Variants in TBC1D5 observed in about 807,000 individuals in gnomAD.
TBC1D5 encodes the protein TBC1 domain family, member 5.
TBC1D5 carries 75 observed loss-of-function variants against 100.3 expected under a neutral mutation model. The observed-to-expected ratio is 0.75, with a 90% CI of 0.62 to 0.91. The LOEUF (loss-of-function observed/expected upper bound fraction) is 0.91. Among genes scored for constraint, TBC1D5 ranks in the 40% least tolerant of loss-of-function variants. The pLI, the probability that TBC1D5 is intolerant of heterozygous loss-of-function variation, is 0.00. For missense variants in TBC1D5, 910 were observed against 942.4 expected, an observed-to-expected ratio of 0.97 and a Z score of 0.45; for synonymous variants, 323 against 325.6, an observed-to-expected ratio of 0.99 and a Z score of 0.09.
intron 1 of TBC1D5, among the ~76,000 whole-genome samples, chr3:17,698,370 T>A (rs1472265885): frequency 6.6e-6 from 1 of 151,424 alleles, no homozygotes. Context: ...AACCCTTCCT[T>A]ACACCTTATA....
intron 1 of TBC1D5, among the ~76,000 whole-genome samples, chr3:17,657,562 G>C (rs2066212244): frequency 6.6e-6 from 1 of 151,844 alleles, no homozygotes; most frequent in Non-Finnish European, 1.5e-5. Context: ...GTCTCGATCT[G>C]CTGACCTCGT....
At chr3:17,694,828 T>C (rs1038909524) in intron 1 of TBC1D5, among the ~76,000 whole-genome samples, 5 of 151,818 alleles carry the variant, frequency 3.3e-5, no homozygotes, top group African/African-American at 1.2e-4. Flanking sequence ...AAGGAAAAAA[T>C]GTTAAAGGCA....
intron 13 of TBC1D5, among the ~76,000 whole-genome samples, chr3:17,340,358 CA>C (rs981704062): frequency 1.3e-5 from 2 of 152,180 alleles, no homozygotes; most frequent in African/African-American, 4.8e-5. Context: ...GGTCGGCCTT[CA>C]GACAATCAGG....
intron 3 of TBC1D5, among the ~76,000 whole-genome samples, chr3:17,457,203 T>C (rs766687788): frequency 2.6e-5 from 4 of 152,200 alleles, no homozygotes; most frequent in Non-Finnish European, 2.9e-5. Flanking sequence ...TTAAGTTCTC[T>C]GAATTTCTTG....
At chr3:17,495,950 T>C (rs1419186108) in intron 3 of TBC1D5, among the ~76,000 whole-genome samples, 1 of 152,204 alleles carries the variant, frequency 6.6e-6, no homozygotes, top group Non-Finnish European at 1.5e-5. Flanking sequence ...TCATTAAAAG[T>C]TCTCAATACT....
At chr3:17,572,956 A>G (rs2096636563) in intron 2 of TBC1D5, among the ~76,000 whole-genome samples, 1 of 152,116 alleles carries the variant, frequency 6.6e-6, no homozygotes, top group African/African-American at 2.4e-5. Flanking sequence ...TATCAATGCC[A>G]AACACAATGC....
At chr3:17,193,998 G>A (rs2596656) in intron 18 of TBC1D5, among the ~76,000 whole-genome samples, 60,597 of 151,858 alleles carry the variant, frequency 0.4, 12,754 homozygotes, top group Middle Eastern at 0.47. Context: ...CAATTTTTTC[G>A]ATCTTTAATA....
At chr3:17,224,754 A>G (rs1250055259) in intron 17 of TBC1D5, among the ~76,000 whole-genome samples, 1 of 152,238 alleles carries the variant, frequency 6.6e-6, no homozygotes, top group Non-Finnish European at 1.5e-5. Flanking sequence ...ACATCCAGAA[A>G]GAATTTGAAA....
chr3:17,349,214 C>G (rs1389180455), intron 13 of TBC1D5, among the ~76,000 whole-genome samples: 1 of 152,126 alleles, frequency 6.6e-6, no homozygotes, highest in African/African-American at 2.4e-5. Flanking sequence ...CAGTGGTTCA[C>G]AAACTTTACT....
chr3:17,160,115 T>G (rs1277813485), exon 22 of TBC1D5: 3 of 152,252 alleles, frequency 2.0e-5, no homozygotes, highest in African/African-American at 4.8e-5. Context: ...GATAGTAATA[T>G]TCTTATATCT....
chr3:17,626,014 T>A (rs2063022321), intron 1 of TBC1D5, among the ~76,000 whole-genome samples: 2 of 152,160 alleles, frequency 1.3e-5, no homozygotes, highest in Non-Finnish European at 2.9e-5. Context: ...TTCTTTCCAT[T>A]ATGTTGTCTA....
At chr3:17,562,097 T>C (rs964558526) in intron 2 of TBC1D5, 1 of 152,012 alleles carries the variant, frequency 6.6e-6, no homozygotes, top group African/African-American at 2.4e-5. Context: ...TGGGCTATGA[T>C]TGTGCCACTA....
intron 2 of TBC1D5, among the ~76,000 whole-genome samples, chr3:17,531,097 C>T (rs2096216779): frequency 1.3e-5 from 2 of 152,126 alleles, no homozygotes; most frequent in South Asian, 4.1e-4. Context: ...ATCATCTCAG[C>T]CCAAAATCTC....
intron 4 of TBC1D5, among the ~76,000 whole-genome samples, chr3:17,418,884 C>T (rs184242540): frequency 8.5e-5 from 13 of 152,224 alleles, no homozygotes; most frequent in East Asian, 5.8e-4. Context: ...CATGAGATTC[C>T]GCATTCATGG....
intron 3 of TBC1D5, among the ~76,000 whole-genome samples, chr3:17,494,867 C>G (rs1020972910): frequency 6.6e-6 from 1 of 152,198 alleles, no homozygotes; most frequent in African/African-American, 2.4e-5. Flanking sequence ...AGAGTCTGCA[C>G]AGCTCCGTGC....
chr3:17,594,146 C>T (rs1293921234), intron 2 of TBC1D5, among the ~76,000 whole-genome samples: 1 of 152,182 alleles, frequency 6.6e-6, no homozygotes, highest in East Asian at 1.9e-4. Flanking sequence ...ACTTTGGGCA[C>T]CTCCTACCTT....
intron 3 of TBC1D5, among the ~76,000 whole-genome samples, chr3:17,491,117 T>C (rs1255996061): frequency 1.3e-5 from 2 of 152,182 alleles, no homozygotes; most frequent in African/African-American, 4.8e-5. Context: ...GCTTGTCAGC[T>C]ATTAGTATAT....
intron 1 of TBC1D5, among the ~76,000 whole-genome samples, chr3:17,696,757 G>A (rs1037893605): frequency 1.3e-4 from 20 of 152,236 alleles, no homozygotes; most frequent in Middle Eastern, 6.8e-3. Flanking sequence ...CATTTTATGA[G>A]GCCAACATCT....
intron 1 of TBC1D5, chr3:17,665,031 TAAAAAAAAA>T (rs61069894): frequency 3.1e-5 from 3 of 97,088 alleles, no homozygotes; most frequent in Non-Finnish European, 5.8e-5. Context: ...CCCCGCTATT[TAAAAAAAAA>T]AAAAAAAAAA....
Sources: gnomAD v4.1 joint callset for allele counts (sites outside exome capture counted in the v4.1 genomes callset) on GRCh38, gnomAD v4.1.1 for gene constraint, MANE v1.5 for transcripts, NCBI Gene and HGNC (gene_info 2026-07-23, HGNC 2026-07-21) for gene names.